COX10: variants seen among roughly 807,000 people sequenced by gnomAD.
COX10 encodes the protein cytochrome c oxidase assembly factor heme A:farnesyltransferase COX10, also known as protoheme IX farnesyltransferase, mitochondrial.
In COX10, 27 loss-of-function variants were observed where a neutral mutation model predicts 37.3. The ratio of observed to expected loss-of-function variants is 0.72; its 90% CI spans 0.53 to 1.00. The LOEUF (loss-of-function observed/expected upper bound fraction) is 1.00, where lower values mean the gene tolerates loss of function less well. Among genes scored for constraint, COX10 ranks in the 50% least tolerant of loss-of-function variants. The pLI is 0.00. For missense variants in COX10, 475 were observed against 563.2 expected (o/e 0.84, Z 1.59); for synonymous variants, 222 against 229.1 (o/e 0.97, Z 0.28).
chr17:14,108,340 T>C (rs1054188790), intron 4 of COX10, among the ~76,000 whole-genome samples: 1 of 152,222 alleles, frequency 6.6e-6, no homozygotes, highest in Non-Finnish European at 1.5e-5. Context: ...AAAAAGATAG[T>C]TCTTTTGAAA....
chr17:14,076,806 C>G lies in COX10; in HGVS notation c.249C>G (p.Phe83Leu), dbSNP rs375765781. 50 of 1,614,112 alleles carry G rather than the reference C, an allele frequency of 3.1e-5. No individual in the cohort carries two copies. In the African/African-American group the frequency reaches 6.7e-4, roughly 22 times the overall value. ...RPKPEPVASPFLEKTSSGQAK... is the reference protein window; with the variant it reads ...RPKPEPVASPLLEKTSSGQAK... ...AGCCAGAACCAGTAGCATCTCCTTT[C>G]CTTGAAAAAACATCTTCAGGTCAAG... The change falls in exon 3 of 7, where the codon TTC becomes TTG. Residue 83 changes from phenylalanine to leucine, a missense_variant. By Grantham distance (22) the Phe-to-Leu change is conservative. Around this residue, in one of 5 missense-constraint regions of COX10, gnomAD observed 242 missense variants for 242.5 expected, o/e 1.00. Coordinates refer to ENST00000261643, the MANE Select transcript of COX10 (RefSeq NM_001303.4).
At chr17:14,071,730 CAAAAAAAAAA>C (rs57780115) in intron 1 of COX10, among the ~76,000 whole-genome samples, 1 of 113,262 alleles carries the variant, frequency 8.8e-6, no homozygotes, top group Non-Finnish European at 1.7e-5. Flanking sequence ...CTAAAAATAC[CAAAAAAAAAA>C]AAAAAAAAAA....
intron 5 of COX10, among the ~76,000 whole-genome samples, chr17:14,166,398 C>G (rs1301791228): frequency 4.6e-5 from 7 of 152,132 alleles, no homozygotes; most frequent in African/African-American, 1.7e-4. Context: ...GAAAACAAAG[C>G]CTGGATACCA....
At chr17:14,155,835 T>A (rs1905029919) in intron 4 of COX10, among the ~76,000 whole-genome samples, 1 of 152,164 alleles carries the variant, frequency 6.6e-6, no homozygotes, top group Non-Finnish European at 1.5e-5. Context: ...TTCCTCTTCA[T>A]CTCCACTGTC....
intron 6 of COX10, among the ~76,000 whole-genome samples, chr17:14,198,221 G>A (rs943208071): frequency 2.6e-5 from 4 of 152,054 alleles, no homozygotes; most frequent in African/African-American, 4.8e-5. Flanking sequence ...GGGAGGGAGG[G>A]GACTGCAGAT....
intron 4 of COX10, among the ~76,000 whole-genome samples, chr17:14,136,255 T>C (rs1214723973): frequency 6.6e-6 from 1 of 152,006 alleles, no homozygotes; most frequent in Non-Finnish European, 1.5e-5. Flanking sequence ...TATTTGGGTA[T>C]GCAAACAAGA....
chr17:14,141,887 T>C (rs1288045443), intron 4 of COX10, among the ~76,000 whole-genome samples: 1 of 152,214 alleles, frequency 6.6e-6, no homozygotes, highest in Non-Finnish European at 1.5e-5. Flanking sequence ...ATTTTTTAAA[T>C]ATAGAATTGT....
chr17:14,197,139 C>G (rs1340239516), intron 6 of COX10, among the ~76,000 whole-genome samples: 1 of 152,152 alleles, frequency 6.6e-6, no homozygotes, highest in South Asian at 2.1e-4. Context: ...TATTGAAGGC[C>G]CAATATATTT....
chr17:14,071,150 G>A (rs2142178075), intron 1 of COX10, among the ~76,000 whole-genome samples: 1 of 152,274 alleles, frequency 6.6e-6, no homozygotes, highest in South Asian at 2.1e-4. Context: ...ATCCTTTTAT[G>A]TTGCTTCAAA....
intron 3 of COX10, among the ~76,000 whole-genome samples, chr17:14,077,922 A>AT (rs58059969): frequency 2.0e-4 from 29 of 143,080 alleles, no homozygotes; most frequent in African/African-American, 6.7e-4. Context: ...GGAAAGAGTG[A>AT]TTTTTTTTTT....
chr17:14,172,223 G>A (rs1230441620), intron 5 of COX10, among the ~76,000 whole-genome samples: 1 of 152,098 alleles, frequency 6.6e-6, no homozygotes, highest in East Asian at 1.9e-4. Context: ...ATAAACATGA[G>A]TACAGGTATC....
intron 5 of COX10, among the ~76,000 whole-genome samples, chr17:14,163,885 T>TA (rs1233131156): frequency 1.3e-5 from 2 of 152,252 alleles, no homozygotes; most frequent in East Asian, 3.8e-4. Context: ...GCTTTGTTTT[T>TA]ACAATTCACT....
At chr17:14,151,988 G>C (rs544308475) in intron 4 of COX10, among the ~76,000 whole-genome samples, 1 of 152,230 alleles carries the variant, frequency 6.6e-6, no homozygotes, top group East Asian at 1.9e-4. Context: ...ACCATTTCCT[G>C]TTAACATTAA....
Position 14,131,097 on chromosome 17 carries a change from T to C in COX10, c.625-28780T>C, listed in dbSNP as rs550099278. 5.9e-5 allele frequency among the ~76,000 whole-genome samples: 9 copies of C among 152,304 alleles called. No individual in the cohort carries two copies. The South Asian group carries it at 1.9e-3, about 32-fold the overall frequency. On this transcript the variant is annotated intron_variant, in intron 4 of 6. Transcript: ENST00000261643. ...TTTTTATTGTGAAGTGTAATTTGGA[T>C]ATATTTAAGTTATTTAAATGAATGA...
At chr17:14,200,560 C>T (rs867830549) in intron 6 of COX10, among the ~76,000 whole-genome samples, 1 of 152,110 alleles carries the variant, frequency 6.6e-6, no homozygotes, top group Non-Finnish European at 1.5e-5. Context: ...AGGGAAGTAA[C>T]GATGCCCTGC....
chr17:14,133,034 CACTT>C (rs1473420058), intron 4 of COX10, among the ~76,000 whole-genome samples: 4 of 151,672 alleles, frequency 2.6e-5, no homozygotes, highest in Admixed American at 1.3e-4. Context: ...AACATGGTAA[CACTT>C]ACAGCTTGTT....
chr17:14,109,013 G>GA (rs1272203366), intron 4 of COX10, among the ~76,000 whole-genome samples: 2 of 151,414 alleles, frequency 1.3e-5, no homozygotes, highest in Non-Finnish European at 3.0e-5. Context: ...ATACATATAA[G>GA]AAAAAATCAA....
intron 4 of COX10, among the ~76,000 whole-genome samples, chr17:14,126,104 GT>G (rs200856376): frequency 9.3e-5 from 14 of 151,050 alleles, no homozygotes; most frequent in African/African-American, 2.4e-4. Flanking sequence ...TCATTGCTGG[GT>G]TTTTTTTTCT....
chr17:14,117,581 C>T (rs1402680052), intron 4 of COX10, among the ~76,000 whole-genome samples: 1 of 152,190 alleles, frequency 6.6e-6, no homozygotes, highest in Non-Finnish European at 1.5e-5. Flanking sequence ...GTGGCTCACT[C>T]CTTCAGTAAC....
Sources: gnomAD v4.1 joint callset for allele counts (sites outside exome capture counted in the v4.1 genomes callset) on GRCh38, gnomAD v4.1.1 for gene constraint, gnomAD v4.1.1 regional missense constraint, MANE v1.5 for transcripts, NCBI Gene and HGNC (gene_info 2026-07-23, HGNC 2026-07-21) for gene names.